DOCK1: variants seen among roughly 807,000 people sequenced by gnomAD.
DOCK1 encodes the protein dedicator of cytokinesis 1.
DOCK1 carries 138 observed loss-of-function variants against 262.7 expected under a neutral mutation model. The ratio of observed to expected loss-of-function variants is 0.53; its 90% confidence interval spans 0.46 to 0.61. The LOEUF is 0.61. Among genes scored for constraint, DOCK1 ranks in the 20% least tolerant of loss-of-function variants. The pLI is 0.00. For missense variants in DOCK1, 1,908 were observed against 2,370.7 expected (o/e 0.80, Z 4.05); for synonymous variants, 866 against 867.4 (o/e 1.00, Z 0.03).
intron 30 of DOCK1, among the ~76,000 whole-genome samples, chr10:127,339,692 G>A (rs2063344583): frequency 2.3e-5 from 1 of 43,434 alleles, no homozygotes; most frequent in African/African-American, 8.4e-5. Context: ...TGCCTGGCCT[G>A]ATTTGTGTGT....
At chr10:127,330,918 C>T (rs1306604873) in intron 29 of DOCK1, among the ~76,000 whole-genome samples, 1 of 152,176 alleles carries the variant, frequency 6.6e-6, no homozygotes, top group Non-Finnish European at 1.5e-5. Context: ...TTTTGGCCCT[C>T]TGATGTCAAA....
intron 23 of DOCK1, among the ~76,000 whole-genome samples, chr10:127,072,947 C>T (rs1312297834): frequency 6.6e-6 from 1 of 152,208 alleles, no homozygotes; most frequent in Non-Finnish European, 1.5e-5. Context: ...GGACCCCTTC[C>T]TAGAGATACC....
chr10:127,438,879 A>T (rs969809826), intron 48 of DOCK1, 148 bp from the exon 49 acceptor site: 6 of 728,028 alleles, frequency 8.2e-6, no homozygotes, highest in African/African-American at 7.2e-5. Flanking sequence ...GCATCTGGTG[A>T]CTGTGTATCT....
chr10:127,110,178 AGT>A, intron 24 of DOCK1, 68 bp from the exon 25 acceptor site: 1 of 1,280,376 alleles, frequency 7.8e-7, no homozygotes, highest in Non-Finnish European at 1.1e-6. Context: ...CCTATATCTC[AGT>A]ATTGTAACAA....
At chr10:127,302,577 G>T (rs2061718199) in intron 29 of DOCK1, among the ~76,000 whole-genome samples, 2 of 152,308 alleles carry the variant, frequency 1.3e-5, no homozygotes, top group African/African-American at 4.8e-5. Context: ...CCGTAGCCTA[G>T]AAATCGTAGC....
chr10:127,078,921 A>G lies in DOCK1; in HGVS notation c.2445+17145A>G, dbSNP rs1437423218. 2.0e-5 allele frequency among the ~76,000 whole-genome samples: 3 copies of G among 152,090 alleles called. No homozygotes were observed. The East Asian group carries it at 5.8e-4, about 29-fold the overall frequency. On this transcript the variant is annotated intron_variant, in intron 23 of 51. Transcript: ENST00000623213. ...TTAAAGACAGCGTGTTGGGAGCGGTATATTGCTGTTGTTTTTGTCTTCTCC... is the reference window on the plus strand; with the variant it reads ...TTAAAGACAGCGTGTTGGGAGCGGTGTATTGCTGTTGTTTTTGTCTTCTCC...
intron 27 of DOCK1, among the ~76,000 whole-genome samples, chr10:127,226,325 A>G (rs1270780032): frequency 1.3e-5 from 2 of 152,314 alleles, no homozygotes; most frequent in East Asian, 1.9e-4. Flanking sequence ...CGGTCAGTGA[A>G]GGATCAAACA....
At chr10:126,976,702 T>C (rs1034412095) in intron 2 of DOCK1, among the ~76,000 whole-genome samples, 9 of 152,126 alleles carry the variant, frequency 5.9e-5, no homozygotes, top group Non-Finnish European at 1.0e-4. Flanking sequence ...GACAGGGTCC[T>C]TTGTTCCTAT....
intron 1 of DOCK1, among the ~76,000 whole-genome samples, chr10:126,923,178 G>A (rs1251452408): frequency 1.3e-5 from 2 of 152,194 alleles, no homozygotes; most frequent in African/African-American, 4.8e-5. Flanking sequence ...TAAGCTGTGG[G>A]CCACATTTGG....
At chr10:127,302,030 G>C (rs1359464262) in intron 29 of DOCK1, among the ~76,000 whole-genome samples, 1 of 151,860 alleles carries the variant, frequency 6.6e-6, no homozygotes, top group Non-Finnish European at 1.5e-5. Flanking sequence ...TTTTCTTGCA[G>C]TGGCCCTGTG....
At chr10:127,362,909 C>CCA (rs1218062230) in intron 33 of DOCK1, among the ~76,000 whole-genome samples, 5 of 90,632 alleles carry the variant, frequency 5.5e-5, no homozygotes, top group East Asian at 3.3e-4. Flanking sequence ...ATGTACATCT[C>CCA]CACACACACA....
At chr10:127,258,247 C>T (rs1157260473) in intron 29 of DOCK1, among the ~76,000 whole-genome samples, 5 of 152,210 alleles carry the variant, frequency 3.3e-5, no homozygotes, top group Middle Eastern at 3.2e-3. Flanking sequence ...GTTTCCATCA[C>T]CACAAATGTT....
intron 48 of DOCK1, among the ~76,000 whole-genome samples, 162 bp from the exon 49 acceptor site, chr10:127,438,865 C>G (rs1446102497): frequency 2.6e-5 from 4 of 152,184 alleles, no homozygotes; most frequent in Non-Finnish European, 5.9e-5. Flanking sequence ...GAAACACAGT[C>G]CTTGCATCTG....
chr10:127,425,103 A>T (rs1272581810), intron 46 of DOCK1, among the ~76,000 whole-genome samples: 1 of 152,204 alleles, frequency 6.6e-6, no homozygotes, highest in Non-Finnish European at 1.5e-5. Context: ...GTTTTTAATC[A>T]GTATTTTGAT....
intron 1 of DOCK1, among the ~76,000 whole-genome samples, chr10:126,955,509 GC>G (rs2036658956): frequency 6.6e-6 from 1 of 152,188 alleles, no homozygotes; most frequent in African/African-American, 2.4e-5. Flanking sequence ...AACTGATGCA[GC>G]CTGGGTGTTC....
chr10:127,285,892 G>C (rs964408819), intron 29 of DOCK1, among the ~76,000 whole-genome samples: 2 of 152,184 alleles, frequency 1.3e-5, no homozygotes, highest in African/African-American at 4.8e-5. Context: ...TACCTAAGCA[G>C]GTCAGTCTTT....
intron 27 of DOCK1, among the ~76,000 whole-genome samples, chr10:127,177,896 G>A (rs1053996253): frequency 6.6e-6 from 1 of 152,214 alleles, no homozygotes; most frequent in African/African-American, 2.4e-5. Context: ...GTTCAGAGAT[G>A]TTGCGTCATT....
intron 24 of DOCK1, among the ~76,000 whole-genome samples, chr10:127,108,043 C>T (rs2048642890): frequency 6.6e-6 from 1 of 152,236 alleles, no homozygotes. Flanking sequence ...TTGGCCAGGG[C>T]CGATGCAGGC....
At chr10:127,021,581 C>G (rs9418788) in intron 13 of DOCK1, among the ~76,000 whole-genome samples, 26,634 of 152,032 alleles carry the variant, frequency 0.18, 2,502 homozygotes, top group South Asian at 0.34. Context: ...GCCTTGGAGG[C>G]TAAGTGACTT....
Sources: allele counts gnomAD v4.1 joint callset (sites outside exome capture counted in the v4.1 genomes callset), GRCh38; gene constraint gnomAD v4.1.1; transcripts MANE v1.5; gene names NCBI Gene and HGNC (gene_info 2026-07-23, HGNC 2026-07-21).